The following WNT2B variants were observed in gnomAD, a reference collection of about 807,000 sequenced individuals.
WNT2B encodes protein Wnt-2b.
A neutral mutation model predicts 40.5 loss-of-function variants in WNT2B; 19 were observed. The observed-to-expected ratio is 0.47, with a 90% CI of 0.33 to 0.69. The LOEUF is 0.69. WNT2B is among the 30% of genes least tolerant of loss of function. WNT2B has a pLI of 0.02. For missense variants in WNT2B, 467 were observed against 556.4 expected, an observed-to-expected ratio of 0.84 and a Z score of 1.62; for synonymous variants, 220 against 211.9, an observed-to-expected ratio of 1.04 and a Z score of -0.33.
At position 112,523,530 on chromosome 1, in the gene WNT2B, A is replaced by G. The variant is rs1652995947; in HGVS notation, c.*3021A>G. On this transcript the variant is annotated 3_prime_UTR_variant, in exon 5 of 5. Coordinates refer to ENST00000369684, the MANE Select transcript of WNT2B (RefSeq NM_024494.3). ...AGACACTAATTTATTTGGAACAAGC[A>G]GCAAAATGAGAACTTTATTTGGTGC... 6.6e-6 allele frequency: 1 copy of G among 152,214 alleles called. No individual in the cohort carries two copies. Among genetic ancestry groups the G allele is most frequent in the Non-Finnish European group, 1.5e-5 (1 of 68,040 alleles). The allele number at this position is 152,214 out of a possible 1,614,324, so 9.4% of individuals were successfully genotyped here.
intron 1 of WNT2B, among the ~76,000 whole-genome samples, chr1:112,484,577 C>G (rs925358165): frequency 6.6e-6 from 1 of 151,014 alleles, no homozygotes; most frequent in Non-Finnish European, 1.5e-5. Context: ...GTGCCTGGCC[C>G]CCAAAATTTT....
At chr1:112,508,961 G>C, upstream of WNT2B, 7 of 1,217,274 alleles carry the variant, frequency 5.8e-6, no homozygotes, top group Non-Finnish European at 7.2e-6. This position sits in a 1 kb window ranked among gnomAD's most constrained non-coding sequence, Gnocchi z 4.2. Flanking sequence ...CGAAGGGGCT[G>C]TCCGCACACT....
At chr1:112,476,534 C>A (rs1651058445) in intron 1 of WNT2B, among the ~76,000 whole-genome samples, 1 of 152,054 alleles carries the variant, frequency 6.6e-6, no homozygotes, top group Non-Finnish European at 1.5e-5. Context: ...ACCAAGATAG[C>A]CATATTAAAA....
At chr1:112,501,931 A>G (rs1030224225) in intron 1 of WNT2B, among the ~76,000 whole-genome samples, 3 of 152,162 alleles carry the variant, frequency 2.0e-5, no homozygotes, top group Non-Finnish European at 2.9e-5. Context: ...TCGGGCAGAA[A>G]CGCGGGGATC....
chr1:112,489,994 A>G (rs1445056543), intron 1 of WNT2B, among the ~76,000 whole-genome samples: 5 of 152,218 alleles, frequency 3.3e-5, no homozygotes, highest in Non-Finnish European at 5.9e-5. Flanking sequence ...TATAAAAATT[A>G]AAAATTAGAA....
Position 112,526,739 on chromosome 1 carries a change from CA to C in WNT2B, c.*6245del, listed in dbSNP as rs11318218. 0.52 allele frequency: 63,436 copies of C among 121,208 alleles called. 13,920 individuals carry two copies. Among genetic ancestry groups the C allele is most frequent in the East Asian group, 0.58 (2,520 of 4,308 alleles). The allele number at this position is 121,208 out of a possible 1,614,324, so 7.5% of individuals were successfully genotyped here. The stretch of plus-strand genomic sequence containing the variant: ...TGGGAGACAGAGCGAGACTCCGTCA[CA>C]AAAAAAAAAAAAAAGAAGGTATGTA... On this transcript the variant is annotated 3_prime_UTR_variant, in exon 5 of 5. Coordinates refer to ENST00000369684, the MANE Select transcript of WNT2B (RefSeq NM_024494.3).
intron 1 of WNT2B, among the ~76,000 whole-genome samples, chr1:112,482,369 T>C (rs1035893660): frequency 6.6e-6 from 1 of 152,112 alleles, no homozygotes; most frequent in Non-Finnish European, 1.5e-5. Context: ...AGAGCCTTGC[T>C]CTGTCACCCA....
intron 1 of WNT2B, among the ~76,000 whole-genome samples, chr1:112,468,268 A>C (rs534181470): frequency 2.7e-3 from 414 of 152,302 alleles, no homozygotes; most frequent in Non-Finnish European, 4.5e-3. Context: ...TACACATCTG[A>C]ACGCAGGCAT....
At chr1:112,469,015 G>T (rs914293099) in intron 1 of WNT2B, among the ~76,000 whole-genome samples, 5 of 152,164 alleles carry the variant, frequency 3.3e-5, no homozygotes, top group African/African-American at 1.2e-4. Context: ...TTGCATTCTT[G>T]TGCATATGGT....
At chr1:112,470,013 C>T (rs895307337) in intron 1 of WNT2B, among the ~76,000 whole-genome samples, 5 of 152,190 alleles carry the variant, frequency 3.3e-5, no homozygotes, top group Non-Finnish European at 5.9e-5. Context: ...GAGTAGTTTA[C>T]ACACCACAAT....
Position 112,517,175 on chromosome 1 carries a change from T to G in WNT2B, c.736T>G (p.Cys246Gly). 1.2e-6 allele frequency: 2 copies of G among 1,614,224 alleles called. No individual in the cohort carries two copies. The highest frequency in any genetic ancestry group is 1.7e-6 in the Non-Finnish European group (2 of 1,180,036). ...ECKCHGVSGS[C>G]TLRTCWRALS... ...TAAGTGCCATGGCGTGAGTGGTTCC[T>G]GTACTCTGCGCACCTGCTGGCGTGC... The change falls in exon 4 of 5, where the codon TGT becomes GGT. Residue 246 changes from cysteine (C) to glycine (G), a missense_variant. Cys to Gly is a radical substitution (Grantham distance 159). Coordinates refer to ENST00000369684, the MANE Select transcript of WNT2B (RefSeq NM_024494.3).
intron 1 of WNT2B, among the ~76,000 whole-genome samples, chr1:112,481,939 G>A (rs1368562121): frequency 6.6e-6 from 1 of 152,086 alleles, no homozygotes; most frequent in Non-Finnish European, 1.5e-5. Context: ...TTGAGGTCAG[G>A]AGTTTGAGAC....
At chr1:112,484,272 C>CATATATATAT (rs60819225) in intron 1 of WNT2B, among the ~76,000 whole-genome samples, 6 of 123,284 alleles carry the variant, frequency 4.9e-5, no homozygotes, top group East Asian at 2.2e-4. Context: ...TATATATACA[C>CATATATATAT]ATATATATAT....
At chr1:112,488,926 G>A (rs1651508143) in intron 1 of WNT2B, among the ~76,000 whole-genome samples, 1 of 152,030 alleles carries the variant, frequency 6.6e-6, no homozygotes, top group Non-Finnish European at 1.5e-5. Flanking sequence ...CTGGGCTTAA[G>A]CAATCCTCCC....
Position 112,509,360 on chromosome 1 carries a change from C to T in WNT2B, c.98C>T (p.Ser33Phe), listed in dbSNP as rs776099735. Residue 33 changes from serine to phenylalanine, a missense_variant, in exon 1 of 5, where the codon TCC becomes TTC. Coordinates refer to ENST00000369684, the MANE Select transcript of WNT2B (RefSeq NM_024494.3). The surrounding 1 kb of genome is among the most constrained non-coding windows in gnomAD (Gnocchi z 4.2). ...CCGTCGCCCGCGGCCCCCGACGGCT[C>T]CCGGGCTTCGGCCCGCCTAGGTCTT... The part of the protein sequence containing the change: ...PVPSPAAPDG[S>F]RASARLGLAC... The T allele has an allele frequency of 4.4e-6, 7 of 1,595,746 alleles. No homozygotes were observed. In the Admixed American group the frequency reaches 1.2e-4, roughly 27 times the overall value.
rs1432852148 is a variant in WNT2B at position 112,524,590 on chromosome 1, G to A, written c.*4081G>A. On this transcript the variant is annotated 3_prime_UTR_variant, in exon 5 of 5. Coordinates refer to ENST00000369684, the MANE Select transcript of WNT2B (RefSeq NM_024494.3). Reference sequence around the variant, plus strand: ...ACACAGAGACCTGTAGCTCACACCTGGTTATTGATGGCCTTGGTGGAGGCC... The same window carrying A: ...ACACAGAGACCTGTAGCTCACACCTAGTTATTGATGGCCTTGGTGGAGGCC... 1 of 152,622 alleles carries A rather than the reference G, an allele frequency of 6.6e-6. No individual in the cohort carries two copies. The allele number at this position is 152,622 out of a possible 1,614,324, so 9.5% of individuals were successfully genotyped here. A position where few individuals can be genotyped will look rare whatever the true frequency, so the allele number is the denominator to read the frequency against.
At chr1:112,512,426 G>A (rs1443543071) in intron 1 of WNT2B, among the ~76,000 whole-genome samples, 3 of 152,232 alleles carry the variant, frequency 2.0e-5, no homozygotes, top group Non-Finnish European at 4.4e-5. Context: ...GGGCCTGAAT[G>A]TCTGCATTTC....
chr1:112,474,592 C>G lies in WNT2B; in HGVS notation c.-95+7001C>G, dbSNP rs377157815. Among the ~76,000 whole-genome samples the G allele has an allele frequency of 1.1e-4, 16 of 152,302 alleles. No individual in the cohort carries two copies. In the East Asian group the frequency reaches 2.3e-3, roughly 22 times the overall value. ...AGTGGTAGACTACTGAGGAAAAAAA[C>G]TGTCAACCTAGAATTCTAAACCCAG... On this transcript the variant is annotated intron_variant, in intron 1 of 4. Coordinates refer to the WNT2B transcript ENST00000256640.
At chr1:112,508,475 C>T (rs1279145965), upstream of WNT2B, among the ~76,000 whole-genome samples, 2 of 151,998 alleles carry the variant, frequency 1.3e-5, no homozygotes, top group Admixed American at 1.3e-4. This position sits in a 1 kb window ranked among gnomAD's most constrained non-coding sequence, Gnocchi z 4.2. Context: ...CCACGGCGCT[C>T]CTGTAGGCAG....
Sources: gnomAD v4.1 joint callset for allele counts (sites outside exome capture counted in the v4.1 genomes callset) on GRCh38, gnomAD v4.1.1 for gene constraint, Gnocchi (gnomAD v3.1) non-coding constraint, MANE v1.5 for transcripts, NCBI Gene and HGNC (gene_info 2026-07-23, HGNC 2026-07-21) for gene names.